The following GTPBP1 variants were observed in gnomAD, a reference collection of about 807,000 sequenced individuals.
The protein encoded by GTPBP1 is GTP binding protein 1.
GTPBP1 carries 23 observed loss-of-function variants against 62.0 expected under a neutral mutation model. The observed-to-expected ratio is 0.37, with a 90% confidence interval of 0.27 to 0.53. The LOEUF (loss-of-function observed/expected upper bound fraction) is 0.53. GTPBP1 is among the 20% of genes least tolerant of loss of function. GTPBP1 has a pLI of 0.89. For missense variants in GTPBP1, 640 were observed against 917.3 expected, an observed-to-expected ratio of 0.70 and a Z score of 3.90; for synonymous variants, 344 against 364.4, an observed-to-expected ratio of 0.94 and a Z score of 0.64.
At chr22:38,721,168 C>T (rs1175596708) in intron 4 of GTPBP1, among the ~76,000 whole-genome samples, 1 of 152,184 alleles carries the variant, frequency 6.6e-6, no homozygotes, top group Non-Finnish European at 1.5e-5. Context: ...CAACCTCCAC[C>T]TCCCAGATTC....
chr22:38,712,606 T>C (rs1001646099), intron 2 of GTPBP1, among the ~76,000 whole-genome samples: 2 of 152,156 alleles, frequency 1.3e-5, no homozygotes, highest in African/African-American at 4.8e-5. Flanking sequence ...CCTTTAGTAA[T>C]TGGACCTCTG....
chr22:38,742,619 C>A, downstream of GTPBP1: 4 of 1,532,920 alleles, frequency 2.6e-6, no homozygotes, highest in Non-Finnish European at 2.6e-6. Context: ...TCCCAAAGAC[C>A]ACCCCGACAC....
chr22:38,722,923 G>A (rs763365762), intron 5 of GTPBP1: 5 of 1,049,094 alleles, frequency 4.8e-6, no homozygotes, highest in Non-Finnish European at 7.5e-6. Context: ...ACGCTCAAGT[G>A]CTTGATGACT....
At chr22:38,713,268 A>G (rs2092650298) in intron 2 of GTPBP1, among the ~76,000 whole-genome samples, 1 of 152,112 alleles carries the variant, frequency 6.6e-6, no homozygotes, top group African/African-American at 2.4e-5. Flanking sequence ...GAAAGTGAGG[A>G]GGGAGTACGG....
At chr22:38,714,633 A>G (rs1260418940) in intron 2 of GTPBP1, among the ~76,000 whole-genome samples, 1 of 152,034 alleles carries the variant, frequency 6.6e-6, no homozygotes, top group Non-Finnish European at 1.5e-5. Context: ...AAAACAGGAG[A>G]TGGTAGCTTT....
chr22:38,727,201 T>G lies in GTPBP1; in HGVS notation c.1402-12T>G, dbSNP rs1467793672. The G allele has an allele frequency of 1.3e-6, 2 of 1,553,586 alleles. No individual in the cohort carries two copies. Among genetic ancestry groups the G allele is most frequent in the African/African-American group, 1.4e-5 (1 of 71,298 alleles). ...ATTGTCCCTGAGGGCTGGGGCTCCC[T>G]CTTTCTTTCAGATCAAGCGCTCGTC... On this transcript the variant is annotated splice_polypyrimidine_tract_variant and intron_variant, in intron 8 of 11. Transcript: ENST00000216044. This position sits in a 1 kb window ranked among gnomAD's most constrained non-coding sequence, Gnocchi z 6.5.
At chr22:38,738,092 G>T, downstream of GTPBP1, 1 of 1,262,954 alleles carries the variant, frequency 7.9e-7, no homozygotes, top group Non-Finnish European at 1.2e-6. The surrounding 1 kb of genome is among the most constrained non-coding windows in gnomAD (Gnocchi z 6.6). Context: ...CCCCATGCCT[G>T]GCAGGGTAAG....
chr22:38,741,130 G>A, downstream of GTPBP1: 1 of 1,492,380 alleles, frequency 6.7e-7, no homozygotes, highest in Non-Finnish European at 9.1e-7. Flanking sequence ...CTGTCTGTTA[G>A]CGTCTTTGCT....
chr22:38,742,169 G>T, downstream of GTPBP1: 2 of 1,143,300 alleles, frequency 1.7e-6, no homozygotes, highest in Non-Finnish European at 2.4e-6. Flanking sequence ...AAGAAAAAAA[G>T]AGAAAGGGAG....
intron 5 of GTPBP1, chr22:38,723,143 T>A (rs1291543356): frequency 1.2e-6 from 1 of 802,482 alleles, no homozygotes; most frequent in African/African-American, 1.7e-5. Flanking sequence ...ATCATGAAAT[T>A]CCTTAGCTTT....
In GTPBP1 at chr22:38,725,294, A is replaced by G. The variant is rs148969956; in HGVS notation, c.1074-712A>G. 5.1e-3 allele frequency: 773 copies of G among 152,536 alleles called. 5 individuals carry two copies. Among genetic ancestry groups the G allele is most frequent in the Non-Finnish European group, 6.1e-3 (419 of 68,194 alleles). 9.4% of individuals were successfully genotyped at this position (152,536 alleles called of 1,614,324 possible). On this transcript the variant is annotated intron_variant, in intron 6 of 11. Coordinates refer to ENST00000216044, the MANE Select transcript of GTPBP1 (RefSeq NM_004286.5). ...AATTCAGTCACCCTGAATAGGAGCA[A>G]TAGAGGCCATTTACAGGACTCTGAT... is the stretch of plus-strand genomic sequence containing the variant.
chr22:38,729,662 G>T lies in GTPBP1; in HGVS notation c.1917G>T (p.Gln639His), dbSNP rs5757262. ...QPAASSNLQP[Q>H]PKPSSGGRRR... ...CTGCGTCCAGCAATCTCCAGCCTCA[G>T]GTGAGCACGGGCCCCTCGCAGCTTC... Residue 639 changes from glutamine (Q) to histidine (H), a missense_variant and splice_region_variant, in exon 11 of 12, where the codon CAG becomes CAT. By Grantham distance (24) the Gln-to-His change is conservative. Coordinates refer to ENST00000216044, the MANE Select transcript of GTPBP1 (RefSeq NM_004286.5). 1 of 1,487,778 alleles carries T rather than the reference G, an allele frequency of 6.7e-7. No individual in the cohort carries two copies. The allele number at this position is 1,487,778 out of a possible 1,614,324, so 92.2% of individuals were successfully genotyped here.
chr22:38,720,787 G>A (rs1261541075), intron 4 of GTPBP1, among the ~76,000 whole-genome samples: 1 of 152,146 alleles, frequency 6.6e-6, no homozygotes, highest in Non-Finnish European at 1.5e-5. Context: ...TTGTGTGCTG[G>A]ACACTTCATG....
chr22:38,718,538 G>A (rs1203279914), intron 4 of GTPBP1, among the ~76,000 whole-genome samples: 1 of 152,174 alleles, frequency 6.6e-6, no homozygotes, highest in African/African-American at 2.4e-5. Context: ...AAGCAAGTCT[G>A]CATTGGGTTG....
chr22:38,736,966 C>A (rs1248336787), downstream of GTPBP1, among the ~76,000 whole-genome samples: 1 of 152,188 alleles, frequency 6.6e-6, no homozygotes, highest in Non-Finnish European at 1.5e-5. Flanking sequence ...ACCTTAGCCT[C>A]CCCAGTAGCT....
chr22:38,730,730 C>T lies in GTPBP1; in HGVS notation c.*26C>T. The T allele has an allele frequency of 1.5e-6, 2 of 1,299,978 alleles. No homozygotes were observed. Among genetic ancestry groups the T allele is most frequent in the East Asian group, 2.3e-5 (1 of 42,652 alleles). 80.5% of individuals were successfully genotyped at this position (1,299,978 alleles called of 1,614,324 possible). ...ACCTTCCCCTGGCCCACCCTCACCA[C>T]CCAAGGGGTCATCATCTCTGGCCAC... On this transcript the variant is annotated 3_prime_UTR_variant, in exon 12 of 12. Transcript: ENST00000216044. This position sits in a 1 kb window ranked among gnomAD's most constrained non-coding sequence, Gnocchi z 5.6.
chr22:38,714,124 A>G (rs540041121), intron 2 of GTPBP1, among the ~76,000 whole-genome samples: 1 of 152,168 alleles, frequency 6.6e-6, no homozygotes, highest in Non-Finnish European at 1.5e-5. Flanking sequence ...GGAAAGGCTG[A>G]GTGGCCAGCA....
At chr22:38,707,780 A>G (rs992419974) in intron 1 of GTPBP1, among the ~76,000 whole-genome samples, 5 of 152,244 alleles carry the variant, frequency 3.3e-5, no homozygotes, top group Non-Finnish European at 5.9e-5. Context: ...TACAATTAAA[A>G]AAAATCATAT....
At position 38,723,018 on chromosome 22, in the gene GTPBP1, A is replaced by C. The variant is rs112357486; in HGVS notation, c.958+1153A>C. The C allele has an allele frequency of 9.8e-6, 8 of 816,646 alleles. No homozygotes were observed. In the African/African-American group the frequency reaches 1.0e-4, roughly 10 times the overall value. 50.6% of individuals were successfully genotyped at this position (816,646 alleles called of 1,614,324 possible). On this transcript the variant is annotated intron_variant, in intron 5 of 11. Coordinates refer to ENST00000216044, the MANE Select transcript of GTPBP1 (RefSeq NM_004286.5). Reference sequence around the variant, plus strand: ...ACCGTAGTCTCAGGAAGTTTGCTCAAATCTGACAAGAGTGGGATGTTCATG... The same window carrying C: ...ACCGTAGTCTCAGGAAGTTTGCTCACATCTGACAAGAGTGGGATGTTCATG...
Sources: gnomAD v4.1 joint callset for allele counts (sites outside exome capture counted in the v4.1 genomes callset) on GRCh38, gnomAD v4.1.1 for gene constraint, Gnocchi (gnomAD v3.1) non-coding constraint, MANE v1.5 for transcripts, NCBI Gene and HGNC (gene_info 2026-07-23, HGNC 2026-07-21) for gene names.